The following SLC25A17 variants were observed in gnomAD, a reference collection of about 807,000 sequenced individuals.
SLC25A17 encodes solute carrier family 25 member 17.
SLC25A17 carries 26 observed loss-of-function variants against 38.5 expected under a neutral mutation model. The ratio of observed to expected loss-of-function variants is 0.68; its 90% confidence interval spans 0.50 to 0.94. The LOEUF (loss-of-function observed/expected upper bound fraction) is 0.94. SLC25A17 is among the 40% of genes least tolerant of loss of function. The probability of loss-of-function intolerance (pLI) is 0.00; values close to 1 mark genes in which losing one functional copy is unlikely to be tolerated. For missense variants in SLC25A17, 333 were observed against 372.7 expected (o/e 0.89, Z 0.88); for synonymous variants, 139 against 136.2 (o/e 1.02, Z -0.14).
chr22:40,799,735 C>T (rs1260419473), intron 1 of SLC25A17: 2 of 152,092 alleles, frequency 1.3e-5, no homozygotes, highest in African/African-American at 4.8e-5. Context: ...TGAACGAATA[C>T]ATACAATATT....
intron 1 of SLC25A17, among the ~76,000 whole-genome samples, chr22:40,801,089 G>A (rs1325289325): frequency 6.9e-6 from 1 of 145,088 alleles, no homozygotes; most frequent in Admixed American, 7.0e-5. Context: ...GGGCAAAAGA[G>A]ACTCTGTCTC....
intron 7 of SLC25A17, among the ~76,000 whole-genome samples, chr22:40,775,434 T>G: frequency 7.6e-6 from 1 of 131,314 alleles, no homozygotes; most frequent in Non-Finnish European, 1.6e-5. Context: ...TGAGATCTGA[T>G]GGTTTTTTTT....
In SLC25A17 at chr22:40,789,925, G is replaced by A. The variant is rs113428361; in HGVS notation, c.334+2600C>T. ...CAAACTGCTGGGATTACAGGGGTGA[G>A]CCACCACACCTGGCCTTGGACCATT... On this transcript the variant is annotated intron_variant, in intron 4 of 8. Transcript: ENST00000435456. This position sits in a 1 kb window ranked among gnomAD's most constrained non-coding sequence, Gnocchi z 4.5. Among the ~76,000 whole-genome samples, 2 of 151,856 alleles carry A rather than the reference G, an allele frequency of 1.3e-5. No homozygotes were observed. The highest frequency in any genetic ancestry group is 2.9e-5 in the Non-Finnish European group (2 of 67,946).
chr22:40,806,666 A>ACCAAAGTTCCAAAATATTTTCATCATCCC (rs1422934011), intron 1 of SLC25A17, among the ~76,000 whole-genome samples: 28 of 152,292 alleles, frequency 1.8e-4, no homozygotes, highest in African/African-American at 5.5e-4. Context: ...TTCAACCAGT[A>ACCAAAGTTCCAAAATATTTTCATCATCCC]CCAAAGTTCC....
At position 40,799,024 on chromosome 22, in the gene SLC25A17, C is replaced by T; in HGVS notation, c.114G>A (p.Gln38=). The T allele has an allele frequency of 6.2e-7, 1 of 1,602,090 alleles. No individual in the cohort carries two copies. The highest frequency in any genetic ancestry group is 8.6e-7 in the Non-Finnish European group (1 of 1,169,122). ...FPLDTARLRL[Q]VDEKRKSKTT... ...AATAGGAGTATGATTTCTACTTACC[C>T]TGAAGTCGAAGTCTAGCTGTATCCA... Residue 38 remains glutamine, a splice_region_variant and synonymous_variant, in exon 2 of 9, where the codon CAG becomes CAA. Coordinates refer to ENST00000435456, the MANE Select transcript of SLC25A17 (RefSeq NM_006358.4).
chr22:40,803,816 T>G (rs1358714144), intron 1 of SLC25A17, among the ~76,000 whole-genome samples: 1 of 151,410 alleles, frequency 6.6e-6, no homozygotes, highest in African/African-American at 2.4e-5. Context: ...ATTTGCTAGT[T>G]TTTGTTTTTT....
chr22:40,783,769 G>A (rs1034516379), intron 4 of SLC25A17, among the ~76,000 whole-genome samples: 1 of 151,872 alleles, frequency 6.6e-6, no homozygotes, highest in South Asian at 2.1e-4. Context: ...GCAGTGGCTC[G>A]ATCTCCGCTC....
intron 2 of SLC25A17, among the ~76,000 whole-genome samples, chr22:40,796,563 C>T (rs1203162533): frequency 6.6e-6 from 1 of 150,800 alleles, no homozygotes; most frequent in Non-Finnish European, 1.5e-5. Flanking sequence ...CACGTGAATC[C>T]AGGCCGAGAT....
At chr22:40,818,050 T>G (rs1483530252) in intron 1 of SLC25A17, among the ~76,000 whole-genome samples, 3 of 152,164 alleles carry the variant, frequency 2.0e-5, no homozygotes, top group African/African-American at 7.2e-5. Context: ...ATTAAGAAAG[T>G]AAGGTTTACA....
chr22:40,806,909 A>G lies in SLC25A17; in HGVS notation c.55-7826T>C, dbSNP rs144955279. On this transcript the variant is annotated intron_variant, in intron 1 of 8. Transcript: ENST00000435456. ...GCTGGAGTACTGTCTGTACCTATTCATAGGCACAATCATTGTATACTACAG... is the reference window on the plus strand; with the variant it reads ...GCTGGAGTACTGTCTGTACCTATTCGTAGGCACAATCATTGTATACTACAG... 4.5e-3 allele frequency among the ~76,000 whole-genome samples: 686 copies of G among 152,176 alleles called. 5 individuals carry two copies. The highest frequency in any genetic ancestry group is 0.015 in the African/African-American group (615 of 41,512).
chr22:40,791,999 T>A (rs1238020582), intron 4 of SLC25A17, among the ~76,000 whole-genome samples: 1 of 152,076 alleles, frequency 6.6e-6, no homozygotes, highest in Non-Finnish European at 1.5e-5. Context: ...TATTAACAGA[T>A]GAATGGATAA....
chr22:40,818,183 CAG>C (rs955926791), intron 1 of SLC25A17, among the ~76,000 whole-genome samples: 2 of 152,094 alleles, frequency 1.3e-5, no homozygotes, highest in Admixed American at 1.3e-4. Context: ...TCTGAAGTCA[CAG>C]TGATTTTAAC....
At position 40,784,341 on chromosome 22, in the gene SLC25A17, C is replaced by T. The variant is rs550327732; in HGVS notation, c.335-5216G>A. On this transcript the variant is annotated intron_variant, in intron 4 of 8. Transcript: ENST00000435456. ...ATATATTTACTTATCCTAAAGTATA[C>T]AAAAAGTCACTTTGGAATTGCTAAC... 2.6e-5 allele frequency among the ~76,000 whole-genome samples: 4 copies of T among 152,136 alleles called. No individual in the cohort carries two copies. The East Asian group carries it at 7.7e-4, about 29-fold the overall frequency.
In SLC25A17 at chr22:40,819,345, G is replaced by C. The variant is rs2057674191; in HGVS notation, c.-97C>G. On this transcript the variant is annotated 5_prime_UTR_variant, in exon 1 of 9. Transcript: ENST00000435456. Reference sequence around the variant, plus strand: ...CACCGGAGCTCAGGGTGTGAGAGTCGCAATCCCCGCCCTCTCAAACCCGCC... The same window carrying C: ...CACCGGAGCTCAGGGTGTGAGAGTCCCAATCCCCGCCCTCTCAAACCCGCC... 3.5e-6 allele frequency: 4 copies of C among 1,148,470 alleles called. No homozygotes were observed. Among genetic ancestry groups the C allele is most frequent in the Non-Finnish European group, 3.5e-6 (3 of 852,834 alleles). The allele number at this position is 1,148,470 out of a possible 1,614,324, so 71.1% of individuals were successfully genotyped here. A position where few individuals can be genotyped will look rare whatever the true frequency, so the allele number is the denominator to read the frequency against.
intron 4 of SLC25A17, chr22:40,788,731 C>A: frequency 4.3e-6 from 1 of 234,388 alleles, no homozygotes; most frequent in South Asian, 7.0e-5. Context: ...AAACAAAACA[C>A]TGAAATACTG....
At chr22:40,816,598 TA>T (rs1229362184) in intron 1 of SLC25A17, among the ~76,000 whole-genome samples, 1 of 141,866 alleles carries the variant, frequency 7.0e-6, no homozygotes, top group Non-Finnish European at 1.5e-5. Flanking sequence ...TTTATTCATT[TA>T]TTTTTTATTG....
rs1411310037 is a variant in SLC25A17, at chr22:40,777,067, G to A, written c.666C>T (p.Pro222=). The change falls in exon 7 of 9, where the codon CCC becomes CCT. Residue 222 remains proline (P), a synonymous_variant. Transcript: ENST00000435456. ...TCAGAATTGACTGTACCGTCTGCAG[G>A]GGATAGGTCACCGTGGTGGCAATCG... The part of the protein sequence containing the change: ...AKAIATTVTY[P]LQTVQSILRF... 3.1e-6 allele frequency: 5 copies of A among 1,614,080 alleles called. No individual in the cohort carries two copies. Among genetic ancestry groups the A allele is most frequent in the Non-Finnish European group, 3.4e-6 (4 of 1,179,986 alleles).
intron 2 of SLC25A17, chr22:40,797,406 C>T: frequency 1.5e-6 from 1 of 665,808 alleles, no homozygotes; most frequent in Non-Finnish European, 2.5e-6. Flanking sequence ...CAGATTAGGA[C>T]TACATGCCTA....
intron 1 of SLC25A17, among the ~76,000 whole-genome samples, chr22:40,801,003 C>G (rs2145689168): frequency 6.7e-6 from 1 of 149,884 alleles, no homozygotes; most frequent in Admixed American, 6.7e-5. Flanking sequence ...ACTTGGGAAG[C>G]TGAGGCAGGG....
Sources: gnomAD v4.1 joint callset for allele counts (sites outside exome capture counted in the v4.1 genomes callset) on GRCh38, gnomAD v4.1.1 for gene constraint, Gnocchi (gnomAD v3.1) non-coding constraint, MANE v1.5 for transcripts, NCBI Gene and HGNC (gene_info 2026-07-23, HGNC 2026-07-21) for gene names.